Variants in L1TD1 observed in about 807,000 individuals in gnomAD.
L1TD1 encodes the protein LINE-1 type transposase domain-containing protein 1.
In L1TD1, 26 loss-of-function variants were observed where a neutral mutation model predicts 25.7. The observed-to-expected ratio is 1.01, with a 90% CI of 0.74 to 1.40. L1TD1 has a LOEUF of 1.40. L1TD1 is among the 40% of genes most tolerant of loss of function. The probability of loss-of-function intolerance (pLI) is 0.00; values close to 1 mark genes in which losing one functional copy is unlikely to be tolerated. For synonymous variants in L1TD1, 421 were observed against 335.6 expected, an observed-to-expected ratio of 1.25 and a Z score of -2.78; for missense variants, 1,130 against 975.0, an observed-to-expected ratio of 1.16 and a Z score of -2.12.
chr1:62,204,036 A>T (rs1670690465), intron 2 of L1TD1, among the ~76,000 whole-genome samples: 1 of 152,108 alleles, frequency 6.6e-6, no homozygotes, highest in South Asian at 2.1e-4. Context: ...TTTTTTCGCT[A>T]TTCTCTAGAA....
rs112230321 is a variant in L1TD1 at position 62,200,722 on chromosome 1, T to C, written c.-111+4194T>C. Reference sequence around the variant, plus strand: ...ATTCTCAAGGGGAGAGTATATGTATTATTTCTGACTTTAATAATAGGCTTT... The same window carrying C: ...ATTCTCAAGGGGAGAGTATATGTATCATTTCTGACTTTAATAATAGGCTTT... On this transcript the variant is annotated intron_variant, in intron 2 of 3. Coordinates refer to ENST00000498273, the MANE Select transcript of L1TD1 (RefSeq NM_019079.5). Among the ~76,000 whole-genome samples, 641 of 152,146 alleles carry C rather than the reference T, an allele frequency of 4.2e-3. 5 individuals are homozygous for C. Among genetic ancestry groups the C allele is most frequent in the African/African-American group, 0.015 (607 of 41,538 alleles).
In L1TD1 at chr1:62,210,093, C is replaced by G. The variant is rs1330653987; in HGVS notation, c.1319C>G (p.Ser440Ter). 1 of 1,613,980 alleles carries G rather than the reference C, an allele frequency of 6.2e-7. No homozygotes were observed. The highest frequency in any genetic ancestry group is 1.7e-5 in the Admixed American group (1 of 59,998). The change falls in exon 4 of 4, where the codon TCA becomes TGA. Residue 440 changes from serine (S) to a stop codon, truncating the protein, a stop_gained. Coordinates refer to ENST00000498273, the MANE Select transcript of L1TD1 (RefSeq NM_019079.5). LOFTEE classifies it low-confidence loss of function (END_TRUNC). ...SGLEEEEEQT[S>*]EQDSTFQGHT... ...CTAGAGGAGGAAGAGGAACAGACTTCAGAACAGGACTCAACCTTTCAGGGT... is the reference window on the plus strand; with the variant it reads ...CTAGAGGAGGAAGAGGAACAGACTTGAGAACAGGACTCAACCTTTCAGGGT...
chr1:62,195,854 C>G (rs1300782744), intron 1 of L1TD1, among the ~76,000 whole-genome samples: 1 of 31,846 alleles, frequency 3.1e-5, no homozygotes, highest in Non-Finnish European at 5.4e-5. Context: ...TCCTGGCCAA[C>G]TTGGGAAACC....
At chr1:62,205,369 CTCTT>C (rs1174448055) in intron 2 of L1TD1, among the ~76,000 whole-genome samples, 2 of 97,950 alleles carry the variant, frequency 2.0e-5, no homozygotes, top group Non-Finnish European at 4.3e-5. Context: ...AACGAAAACT[CTCTT>C]TCTCTCTCTC....
intron 2 of L1TD1, among the ~76,000 whole-genome samples, chr1:62,205,443 A>ATATATTTTTTTTTTTT (rs1553122597): frequency 3.1e-5 from 2 of 63,658 alleles, no homozygotes; most frequent in African/African-American, 1.1e-4. Flanking sequence ...ATATATATAT[A>ATATATTTTTTTTTTTT]TTTTTTTTTA....
At position 62,211,511 on chromosome 1, in the gene L1TD1, A is replaced by G. The variant is rs1670871504; in HGVS notation, c.*139A>G. 1 of 1,378,522 alleles carries G rather than the reference A, an allele frequency of 7.3e-7. No individual in the cohort carries two copies. Among genetic ancestry groups the G allele is most frequent in the Non-Finnish European group, 9.7e-7 (1 of 1,035,020 alleles). 85.4% of individuals were successfully genotyped at this position (1,378,522 alleles called of 1,614,324 possible). On this transcript the variant is annotated 3_prime_UTR_variant, in exon 4 of 4. Transcript: ENST00000498273. ...TTGGGGATGAGGAGCAAGGAATATTACAGATATTACCTAGATGTTAATAAA... is the reference window on the plus strand; with the variant it reads ...TTGGGGATGAGGAGCAAGGAATATTGCAGATATTACCTAGATGTTAATAAA...
intron 2 of L1TD1, among the ~76,000 whole-genome samples, chr1:62,205,193 A>T (rs1670711183): frequency 1.4e-5 from 2 of 145,844 alleles, no homozygotes; most frequent in Admixed American, 1.3e-4. Context: ...CTAAAAATAC[A>T]AAAAAAAATT....
chr1:62,207,497 T>TA lies in L1TD1; in HGVS notation c.872dup (p.Thr292AspfsTer9). On this transcript the variant is annotated frameshift_variant, in exon 3 of 4. Coordinates refer to ENST00000498273, the MANE Select transcript of L1TD1 (RefSeq NM_019079.5). LOFTEE classifies it high-confidence loss of function. ...TTAGCATTTAAATGTGATGGTGAAATAAAGACATTTTCAGATCTGCAAAGC... is the reference window on the plus strand; with the variant it reads ...TTAGCATTTAAATGTGATGGTGAAATAAAAGACATTTTCAGATCTGCAAAGC... The TA allele has an allele frequency of 6.4e-7, 1 of 1,551,246 alleles. No homozygotes were observed.
In L1TD1 at chr1:62,206,663, T is replaced by C; in HGVS notation, c.35T>C (p.Phe12Ser). Residue 12 changes from phenylalanine to serine, a missense_variant, in exon 3 of 4, where the codon TTT (phenylalanine) becomes TCT (serine). Phe to Ser is a radical substitution (Grantham distance 155). Coordinates refer to ENST00000498273, the MANE Select transcript of L1TD1 (RefSeq NM_019079.5). ...SDVSTSVQSK[F>S]ARLAKKKENI... Reference sequence around the variant, plus strand: ...GTATCTACTAGTGTACAATCAAAATTTGCTAGACTTGCAAAGAAAAAGGAA... The same window carrying C: ...GTATCTACTAGTGTACAATCAAAATCTGCTAGACTTGCAAAGAAAAAGGAA... 1.3e-6 allele frequency: 2 copies of C among 1,546,962 alleles called. No individual in the cohort carries two copies. The highest frequency in any genetic ancestry group is 1.7e-6 in the Non-Finnish European group (2 of 1,145,604).
chr1:62,204,180 T>G (rs190831837), intron 2 of L1TD1, among the ~76,000 whole-genome samples: 263 of 152,330 alleles, frequency 1.7e-3, no homozygotes, highest in African/African-American at 5.9e-3. Flanking sequence ...TATTCCTTAT[T>G]TGTATTTTGG....
rs1670852687 is a variant in L1TD1, at chr1:62,210,812, A to G, written c.2038A>G (p.Met680Val). 7 of 1,549,480 alleles carry G rather than the reference A, an allele frequency of 4.5e-6. No homozygotes were observed. Among genetic ancestry groups the G allele is most frequent in the African/African-American group, 1.4e-5 (1 of 72,866 alleles). ...AGAATTCTCTAAGGATACAATGCAA[A>G]TGACCAAACAGATAATTAGTAAAGA... ...IEEFSKDTMQ[M>V]TKQIISKERQ... The change falls in exon 4 of 4, where the codon ATG (methionine) becomes GTG (valine). Residue 680 changes from methionine (M) to valine (V), a missense_variant. By Grantham distance (21) the Met-to-Val change is conservative. Coordinates refer to ENST00000498273, the MANE Select transcript of L1TD1 (RefSeq NM_019079.5).
chr1:62,211,398 T>G lies in L1TD1; in HGVS notation c.*26T>G, dbSNP rs756597630. 1.3e-6 allele frequency: 2 copies of G among 1,540,952 alleles called. No individual in the cohort carries two copies. The highest frequency in any genetic ancestry group is 1.7e-6 in the Non-Finnish European group (2 of 1,148,194). On this transcript the variant is annotated 3_prime_UTR_variant, in exon 4 of 4. Coordinates refer to ENST00000498273, the MANE Select transcript of L1TD1 (RefSeq NM_019079.5). Reference sequence around the variant, plus strand: ...CACGCCAGGGTGACTACAAACAATATGCTTTCCTCCCCCAGCATGCATCCA... The same window carrying G: ...CACGCCAGGGTGACTACAAACAATAGGCTTTCCTCCCCCAGCATGCATCCA...
Position 62,206,915 on chromosome 1 carries a change from C to A in L1TD1, c.287C>A (p.Ser96Tyr). 1 of 1,613,694 alleles carries A rather than the reference C, an allele frequency of 6.2e-7. No individual in the cohort carries two copies. Among genetic ancestry groups the A allele is most frequent in the Non-Finnish European group, 8.5e-7 (1 of 1,179,880 alleles). Residue 96 changes from serine (S) to tyrosine (Y), a missense_variant, in exon 3 of 4, where the codon TCC (serine) becomes TAC (tyrosine). Physicochemically the swap from Ser to Tyr is moderately radical, Grantham distance 144 (BLOSUM62 -2). Coordinates refer to ENST00000498273, the MANE Select transcript of L1TD1 (RefSeq NM_019079.5). ...TIPEVKNSEN[S>Y]SSRTEFQQII... The stretch of plus-strand genomic sequence containing the variant: ...CCTGAGGTAAAGAATTCAGAGAACT[C>A]CAGTAGTAGGACAGAGTTTCAGCAA...
rs1355762914 is a variant in L1TD1 at position 62,209,281 on chromosome 1, ATTGGGGTC to A, written c.1009-499_1009-492del. Among the ~76,000 whole-genome samples, 8 of 137,846 alleles carry A rather than the reference ATTGGGGTC, an allele frequency of 5.8e-5. No homozygotes were observed. In the Admixed American group the frequency reaches 6.3e-4, roughly 11 times the overall value. The allele number at this position is 137,846 out of a possible 152,430, so 90.4% of individuals were successfully genotyped here. On this transcript the variant is annotated intron_variant, in intron 3 of 3. Transcript: ENST00000498273. ...TCCTAAGGCTAGAGTGTAAACTGCA[ATTGGGGTC>A]TTTTTTTTTTTTTTTTTAATTGGGT...
Position 62,207,222 on chromosome 1 carries a change from G to T in L1TD1, c.594G>T (p.Glu198Asp). 1 of 1,551,692 alleles carries T rather than the reference G, an allele frequency of 6.4e-7. No homozygotes were observed. Residue 198 changes from glutamate (E) to aspartate (D), a missense_variant, in exon 3 of 4, where the codon GAG (glutamate) becomes GAT (aspartate). Physicochemically the swap from Glu to Asp is conservative, Grantham distance 45 (BLOSUM62 2). Coordinates refer to ENST00000498273, the MANE Select transcript of L1TD1 (RefSeq NM_019079.5). ...RNVHLEFTER[E>D]SRKDGEDEFV... ...TCCATTTAGAATTTACAGAAAGAGA[G>T]AGTAGGAAGGATGGAGAGGATGAAT...
At position 62,211,071 on chromosome 1, in the gene L1TD1, A is replaced by G. The variant is rs541174429; in HGVS notation, c.2297A>G (p.Asn766Ser). 3 of 1,550,824 alleles carry G rather than the reference A, an allele frequency of 1.9e-6. No homozygotes were observed. The East Asian group carries it at 7.3e-5, about 38-fold the overall frequency. Residue 766 changes from asparagine to serine, a missense_variant, in exon 4 of 4, where the codon AAT becomes AGT. By Grantham distance (46) the Asn-to-Ser change is conservative. Coordinates refer to ENST00000498273, the MANE Select transcript of L1TD1 (RefSeq NM_019079.5). ...TPRHILVKFW[N>S]SSDKEKIIRA... The stretch of plus-strand genomic sequence containing the variant: ...AGACACATCTTGGTGAAATTTTGGA[A>G]TTCTAGTGATAAAGAGAAAATAATA...
At position 62,203,602 on chromosome 1, in the gene L1TD1, G is replaced by A. The variant is rs144033693; in HGVS notation, c.-110-2917G>A. ...GCTAATGTTTTTTTTCTTTTGAGAC[G>A]GAGTCTCGCTCTGACGCTCAGGCTG... On this transcript the variant is annotated intron_variant, in intron 2 of 3. Transcript: ENST00000498273. Among the ~76,000 whole-genome samples the A allele has an allele frequency of 2.1e-4, 32 of 151,846 alleles. No homozygotes were observed. The East Asian group carries it at 4.3e-3, about 20-fold the overall frequency.
chr1:62,198,077 T>TA (rs1557439738), intron 2 of L1TD1, among the ~76,000 whole-genome samples: 1 of 151,636 alleles, frequency 6.6e-6, no homozygotes, highest in Non-Finnish European at 1.5e-5. Flanking sequence ...ATAAAGCTAT[T>TA]AAAAAAAAGT....
chr1:62,200,489 T>A lies in L1TD1; in HGVS notation c.-111+3961T>A, dbSNP rs532292024. ...CCTGGCCATAATGTATATTATAATGTATATTTTATAAATTAATGTATTTAT... is the reference window on the plus strand; with the variant it reads ...CCTGGCCATAATGTATATTATAATGAATATTTTATAAATTAATGTATTTAT... On this transcript the variant is annotated intron_variant, in intron 2 of 3. Coordinates refer to ENST00000498273, the MANE Select transcript of L1TD1 (RefSeq NM_019079.5). 5.3e-5 allele frequency among the ~76,000 whole-genome samples: 8 copies of A among 151,694 alleles called. No individual in the cohort carries two copies. In the East Asian group the frequency reaches 7.7e-4, roughly 15 times the overall value.
Sources: gnomAD v4.1 joint callset for allele counts (sites outside exome capture counted in the v4.1 genomes callset) on GRCh38, gnomAD v4.1.1 for gene constraint, MANE v1.5 for transcripts, NCBI Gene and HGNC (gene_info 2026-07-23, HGNC 2026-07-21) for gene names.